The following MRPL22 variants were observed in gnomAD, a reference collection of about 807,000 sequenced individuals.
MRPL22 encodes large ribosomal subunit protein uL22m.
Under a neutral mutation model 32.4 loss-of-function variants are expected in MRPL22, and 27 were observed. That is an observed-to-expected ratio of 0.83 (90% CI 0.61 to 1.15). The LOEUF is 1.15. Ranked by LOEUF, MRPL22 falls within the 50% of genes most tolerant of loss-of-function variation. MRPL22 has a pLI of 0.00. For synonymous variants in MRPL22, 86 were observed against 87.3 expected (o/e 0.99, Z 0.08); for missense variants, 239 against 260.2 (o/e 0.92, Z 0.56).
In MRPL22 at chr5:154,957,150, A is replaced by T. The variant is rs562161879; in HGVS notation, c.277A>T (p.Ile93Phe). Residue 93 changes from isoleucine (I) to phenylalanine (F), a missense_variant, in exon 5 of 7, where the codon ATT becomes TTT. Ile to Phe is a conservative substitution (Grantham distance 21). Transcript: ENST00000523037. ...YLAKLIRGMSIDQALAQLEFN... is the reference protein window; with the variant it reads ...YLAKLIRGMSFDQALAQLEFN... The stretch of plus-strand genomic sequence containing the variant: ...TTAATTCTAGATACGAGGAATGTCT[A>T]TTGACCAGGCTTTGGCTCAGTTGGA... 6.2e-7 allele frequency: 1 copy of T among 1,613,362 alleles called. No individual in the cohort carries two copies. The highest frequency in any genetic ancestry group is 1.1e-5 in the South Asian group (1 of 91,028).
intron 3 of MRPL22, among the ~76,000 whole-genome samples, chr5:154,951,249 A>T (rs116069516): frequency 0.011 from 1,750 of 152,330 alleles, 32 homozygotes; most frequent in African/African-American, 0.04. Flanking sequence ...GTTGGCAAGA[A>T]TGACTTAAAC....
At chr5:154,942,044 G>A (rs1764424555) in intron 2 of MRPL22, among the ~76,000 whole-genome samples, 1 of 152,084 alleles carries the variant, frequency 6.6e-6, no homozygotes. Context: ...ATAAGCTTCA[G>A]TTATCACTTT....
intron 5 of MRPL22, 148 bp from the exon 6 acceptor site, chr5:154,959,832 A>G (rs1764678608): frequency 3.3e-6 from 2 of 606,128 alleles, no homozygotes; most frequent in Non-Finnish European, 5.8e-6. Context: ...TCTCCTTTGT[A>G]CTCTTATCAT....
rs908076778 is a variant in MRPL22, at chr5:154,968,302, T to C, written c.*1405T>C. On this transcript the variant is annotated 3_prime_UTR_variant, in exon 7 of 7. Transcript: ENST00000523037. Reference sequence around the variant, plus strand: ...GGGGTCAGTGGAATAAACCAAGGTGTAGGACAGATTCATTCTGGGTCCTAA... The same window carrying C: ...GGGGTCAGTGGAATAAACCAAGGTGCAGGACAGATTCATTCTGGGTCCTAA... 6.6e-6 allele frequency: 1 copy of C among 152,212 alleles called. No homozygotes were observed. Among genetic ancestry groups the C allele is most frequent in the Admixed American group, 6.5e-5 (1 of 15,276 alleles). The allele number at this position is 152,212 out of a possible 1,614,324, so 9.4% of individuals were successfully genotyped here. A position where few individuals can be genotyped will look rare whatever the true frequency, so the allele number is the denominator to read the frequency against.
At chr5:154,965,563 T>G (rs1764756203) in intron 6 of MRPL22, among the ~76,000 whole-genome samples, 1 of 152,004 alleles carries the variant, frequency 6.6e-6, no homozygotes, top group Non-Finnish European at 1.5e-5. Context: ...TAGCTAGGAT[T>G]ACAGGTGCCC....
At chr5:154,966,112 T>A (rs1214581023) in intron 6 of MRPL22, among the ~76,000 whole-genome samples, 1 of 152,178 alleles carries the variant, frequency 6.6e-6, no homozygotes, top group Non-Finnish European at 1.5e-5. Context: ...TTATCTCTAA[T>A]CTCTTTTCCT....
chr5:154,945,118 G>A (rs1764472213), intron 2 of MRPL22, among the ~76,000 whole-genome samples: 1 of 152,164 alleles, frequency 6.6e-6, no homozygotes, highest in South Asian at 2.1e-4. Flanking sequence ...GCTGTGTTGA[G>A]AATAGACTGG....
At chr5:154,945,461 C>T (rs286633) in intron 2 of MRPL22, among the ~76,000 whole-genome samples, 144,663 of 152,242 alleles carry the variant, frequency 0.95, 68,740 homozygotes, top group South Asian at 0.97. Flanking sequence ...AGTAGAGATA[C>T]GAGTAGGCAA....
chr5:154,941,127 T>G lies in MRPL22; in HGVS notation c.17T>G (p.Leu6Arg), dbSNP rs552017317. The G allele has an allele frequency of 7.4e-6, 12 of 1,613,868 alleles. No individual in the cohort carries two copies. Among genetic ancestry groups the G allele is most frequent in the East Asian group, 2.2e-5 (1 of 44,888 alleles). ...GGGCGAAAGATGGCGGCGGCAGTACTGGGACAGTTGGGTAAGGATTTCTTA... is the reference window on the plus strand; with the variant it reads ...GGGCGAAAGATGGCGGCGGCAGTACGGGGACAGTTGGGTAAGGATTTCTTA... MAAAV[L>R]GQLGALWIHN... is the part of the protein sequence containing the mutation. Residue 6 changes from leucine (L) to arginine (R), a missense_variant, in exon 1 of 7, where the codon CTG (leucine) becomes CGG (arginine). Leu to Arg is a moderately radical substitution (Grantham distance 102). Coordinates refer to ENST00000523037, the MANE Select transcript of MRPL22 (RefSeq NM_014180.4).
chr5:154,941,525 G>A (rs1764415322), intron 2 of MRPL22, among the ~76,000 whole-genome samples: 1 of 152,146 alleles, frequency 6.6e-6, no homozygotes, highest in Non-Finnish European at 1.5e-5. Context: ...TTCTGGACAA[G>A]GTTAGACTAT....
At chr5:154,962,484 GT>G (rs1267000404) in intron 6 of MRPL22, among the ~76,000 whole-genome samples, 1 of 152,164 alleles carries the variant, frequency 6.6e-6, no homozygotes, top group Non-Finnish European at 1.5e-5. Context: ...TGAAAAACTA[GT>G]TACTTATTGG....
At chr5:154,959,898 C>T (rs1305460886) in intron 5 of MRPL22, 82 bp from the exon 6 acceptor site, 4 of 911,476 alleles carry the variant, frequency 4.4e-6, no homozygotes, top group East Asian at 4.9e-5. Context: ...AGTCATAGTA[C>T]AGAGATAATG....
intron 2 of MRPL22, among the ~76,000 whole-genome samples, chr5:154,947,955 A>G (rs1447294985): frequency 6.6e-6 from 1 of 152,254 alleles, no homozygotes; most frequent in Non-Finnish European, 1.5e-5. Context: ...AGGCTTGTTC[A>G]GGGAACAATG....
rs1163820359 is a variant in MRPL22 at position 154,957,056 on chromosome 5, TG to T, written c.262-78del. 13 of 1,332,686 alleles carry T rather than the reference TG, an allele frequency of 9.8e-6. No individual in the cohort carries two copies. The African/African-American group carries it at 1.8e-4, about 18-fold the overall frequency. 82.6% of individuals were successfully genotyped at this position (1,332,686 alleles called of 1,614,324 possible). Reference sequence around the variant, plus strand: ...CTGTTTTTAGAAGTTACTCAAATTATGTAAGACTTTCATTGAAAAGGAAACA... The same window carrying T: ...CTGTTTTTAGAAGTTACTCAAATTATTAAGACTTTCATTGAAAAGGAAACA... On this transcript the variant is annotated intron_variant, in intron 4 of 6. Coordinates refer to ENST00000523037, the MANE Select transcript of MRPL22 (RefSeq NM_014180.4).
rs558060007 is a variant in MRPL22 at position 154,967,833 on chromosome 5, A to G, written c.*936A>G. 28 of 152,342 alleles carry G rather than the reference A, an allele frequency of 1.8e-4. No individual in the cohort carries two copies. In the South Asian group the frequency reaches 2.3e-3, roughly 12 times the overall value. The allele number at this position is 152,342 out of a possible 1,614,324, so 9.4% of individuals were successfully genotyped here. A position where few individuals can be genotyped will look rare whatever the true frequency, so the allele number is the denominator to read the frequency against. ...ATGCAGACTTCTGGGCCCCACCCCA[A>G]TGATTCAATTCACTAGGTCTTATGG... On this transcript the variant is annotated 3_prime_UTR_variant, in exon 7 of 7. Coordinates refer to ENST00000523037, the MANE Select transcript of MRPL22 (RefSeq NM_014180.4). The surrounding 1 kb of genome is among the most constrained non-coding windows in gnomAD (Gnocchi z 4.7).
At chr5:154,963,031 A>G (rs1343552084) in intron 6 of MRPL22, among the ~76,000 whole-genome samples, 5 of 152,208 alleles carry the variant, frequency 3.3e-5, no homozygotes, top group African/African-American at 1.2e-4. Flanking sequence ...CTCTGCCTCC[A>G]GGGTTGAAGC....
intron 5 of MRPL22, among the ~76,000 whole-genome samples, chr5:154,958,538 CTTTTTTTTT>C (rs201113350): frequency 1.2e-5 from 1 of 83,316 alleles, no homozygotes; most frequent in African/African-American, 4.5e-5. Flanking sequence ...TGACAATTGT[CTTTTTTTTT>C]TTTTTTTTTT....
Position 154,967,730 on chromosome 5 carries a change from TAAG to T in MRPL22, c.*840_*842del, listed in dbSNP as rs1404108977. On this transcript the variant is annotated 3_prime_UTR_variant, in exon 7 of 7. Transcript: ENST00000523037. The surrounding 1 kb of genome is among the most constrained non-coding windows in gnomAD (Gnocchi z 4.7). ...CCCTCTCATTCATACACGTCTTCAT[TAAG>T]AAGAAGTACTCTTTGTCTACAGCCC... is the stretch of plus-strand genomic sequence containing the variant. The T allele has an allele frequency of 1.3e-5, 2 of 152,220 alleles. No individual in the cohort carries two copies. The highest frequency in any genetic ancestry group is 1.3e-4 in the Admixed American group (2 of 15,276). 9.4% of individuals were successfully genotyped at this position (152,220 alleles called of 1,614,324 possible).
rs751857889 is a variant in MRPL22, at chr5:154,966,749, T to G, written c.473T>G (p.Phe158Cys). ...ATCCGCTACCATGGCAGAGGTCGCT[T>G]TGGGATCATGGAGAAGGTTTATTGC... ...KRIRYHGRGRFGIMEKVYCHY... is the reference protein window; with the variant it reads ...KRIRYHGRGRCGIMEKVYCHY... The change falls in exon 7 of 7, where the codon TTT becomes TGT. Residue 158 changes from phenylalanine (F) to cysteine (C), a missense_variant. Coordinates refer to ENST00000523037, the MANE Select transcript of MRPL22 (RefSeq NM_014180.4). 6 of 1,614,048 alleles carry G rather than the reference T, an allele frequency of 3.7e-6. No individual in the cohort carries two copies. The African/African-American group carries it at 6.7e-5, about 18-fold the overall frequency.
Sources: allele counts gnomAD v4.1 joint callset (sites outside exome capture counted in the v4.1 genomes callset), GRCh38; gene constraint gnomAD v4.1.1; non-coding constraint Gnocchi (gnomAD v3.1); transcripts MANE v1.5; gene names NCBI Gene and HGNC (gene_info 2026-07-23, HGNC 2026-07-21).